Variants in GLI3 observed in about 807,000 individuals in gnomAD.
GLI3 encodes the protein transcription activator GLI3.
A neutral mutation model predicts 100.8 loss-of-function variants in GLI3; 20 were observed. The observed-to-expected ratio is 0.20, with a 90% CI of 0.14 to 0.29. GLI3 has a LOEUF of 0.29. Among genes scored for constraint, GLI3 ranks in the 10% least tolerant of loss-of-function variants. The pLI, the probability that GLI3 is intolerant of heterozygous loss-of-function variation, is 1.00. For synonymous variants in GLI3, 938 were observed against 860.5 expected (o/e 1.09, Z -1.58); for missense variants, 2,040 against 2,128.5 (o/e 0.96, Z 0.82).
In GLI3 at chr7:41,977,571, G is replaced by A; in HGVS notation, c.1799C>T (p.Thr600Met). 6.2e-7 allele frequency: 1 copy of A among 1,614,154 alleles called. No homozygotes were observed. The change falls in exon 12 of 15, where the codon ACG becomes ATG. Residue 600 changes from threonine (T) to methionine (M), a missense_variant. Around this residue, in one of 5 missense-constraint regions of GLI3, gnomAD observed 61 missense variants for 150.9 expected, o/e 0.40. Transcript: ENST00000395925. ...ASDRAKHQNR[T>M]HSNEKPYVCK... ...GAGGATGCTTACCTCATTGGAATGC[G>A]TTCTGTTTTGGTGTTTGGCGCGATC...
chr7:41,995,771 A>G (rs1788107446), intron 10 of GLI3, among the ~76,000 whole-genome samples: 2 of 152,196 alleles, frequency 1.3e-5, no homozygotes, highest in South Asian at 4.1e-4. Context: ...AAGAAAGGCA[A>G]GAAGGGAGGG....
chr7:42,238,031 C>T (rs1411548325), upstream of GLI3, among the ~76,000 whole-genome samples: 3 of 147,412 alleles, frequency 2.0e-5, no homozygotes, highest in Admixed American at 1.3e-4. Flanking sequence ...TCCTTCTCCT[C>T]CTCCTCCTCC....
At chr7:42,087,869 C>T (rs1316048693) in intron 3 of GLI3, among the ~76,000 whole-genome samples, 1 of 152,104 alleles carries the variant, frequency 6.6e-6, no homozygotes, top group Non-Finnish European at 1.5e-5. Context: ...AACTCTGAAC[C>T]CTCACTGTCT....
At chr7:42,027,941 G>C (rs1583807122) in intron 7 of GLI3, among the ~76,000 whole-genome samples, 1 of 152,204 alleles carries the variant, frequency 6.6e-6, no homozygotes, top group Non-Finnish European at 1.5e-5. Context: ...GCAAGACTTA[G>C]CTAAGGTAGC....
At chr7:42,015,861 A>G (rs1377882491) in intron 10 of GLI3, among the ~76,000 whole-genome samples, 1 of 151,990 alleles carries the variant, frequency 6.6e-6, no homozygotes, top group Non-Finnish European at 1.5e-5. Flanking sequence ...AACAGGAGAA[A>G]CTTTTTCTTT....
chr7:42,227,801 T>C (rs1788612111), intron 1 of GLI3: 1 of 152,144 alleles, frequency 6.6e-6, no homozygotes, highest in Non-Finnish European at 1.5e-5. Context: ...AGTCGTCCTC[T>C]TTAGAGTCGT....
chr7:42,038,761 A>G (rs1353751831), intron 7 of GLI3, among the ~76,000 whole-genome samples: 1 of 152,256 alleles, frequency 6.6e-6, no homozygotes, highest in Non-Finnish European at 1.5e-5. Context: ...CATTGCTGAT[A>G]ATTGAACAAG....
At chr7:42,000,738 C>G (rs1474912393) in intron 10 of GLI3, among the ~76,000 whole-genome samples, 1 of 152,080 alleles carries the variant, frequency 6.6e-6, no homozygotes, top group African/African-American at 2.4e-5. Context: ...CAGGACAAAA[C>G]CCACAGTGGA....
intron 4 of GLI3, among the ~76,000 whole-genome samples, chr7:42,067,148 C>T (rs1384724874): frequency 2.0e-5 from 3 of 152,102 alleles, no homozygotes; most frequent in East Asian, 3.9e-4. Context: ...ATATCCCTGG[C>T]AAATAACATA....
chr7:42,241,331 C>A (rs1223004657), upstream of GLI3, among the ~76,000 whole-genome samples: 1 of 152,166 alleles, frequency 6.6e-6, no homozygotes, highest in Non-Finnish European at 1.5e-5. Flanking sequence ...ATCCGATATT[C>A]CCCTTGGCCA....
At chr7:42,019,638 A>G (rs1001625389) in intron 10 of GLI3, among the ~76,000 whole-genome samples, 2 of 152,232 alleles carry the variant, frequency 1.3e-5, no homozygotes, top group African/African-American at 4.8e-5. Context: ...CACGTCTTTT[A>G]TAATATAATG....
intron 4 of GLI3, among the ~76,000 whole-genome samples, chr7:42,052,254 A>G (rs548631227): frequency 1.3e-5 from 2 of 152,338 alleles, no homozygotes; most frequent in Admixed American, 6.5e-5. Context: ...GCAATTATGA[A>G]TAAAGCTGCT....
At chr7:42,228,100 A>C (rs1788618984) in intron 1 of GLI3, among the ~76,000 whole-genome samples, 1 of 151,764 alleles carries the variant, frequency 6.6e-6, no homozygotes, top group Non-Finnish European at 1.5e-5. Flanking sequence ...CGGTGGGTTC[A>C]TTAGCGGGCG....
chr7:42,073,978 C>T (rs1784831473), intron 4 of GLI3, among the ~76,000 whole-genome samples: 1 of 152,192 alleles, frequency 6.6e-6, no homozygotes, highest in Non-Finnish European at 1.5e-5. Context: ...AACCAAGCCA[C>T]ATTTGCCTCG....
chr7:42,035,518 A>G (rs1789413007), intron 7 of GLI3, among the ~76,000 whole-genome samples: 2 of 152,218 alleles, frequency 1.3e-5, no homozygotes, highest in African/African-American at 4.8e-5. Flanking sequence ...TGGGAATGTC[A>G]TTTTCACTGA....
At chr7:41,980,607 G>A (rs1426373006) in intron 10 of GLI3, among the ~76,000 whole-genome samples, 1 of 152,048 alleles carries the variant, frequency 6.6e-6, no homozygotes, top group African/African-American at 2.4e-5. Context: ...AAGGAAGGAA[G>A]GGAGGGAGGA....
intron 4 of GLI3, among the ~76,000 whole-genome samples, chr7:42,066,846 G>C (rs1166191913): frequency 6.6e-6 from 1 of 151,992 alleles, no homozygotes; most frequent in Non-Finnish European, 1.5e-5. Context: ...AAATGACTTT[G>C]GTCATTAAAA....
chr7:42,078,461 C>CAGGGA (rs1415123248), intron 3 of GLI3, among the ~76,000 whole-genome samples: 2 of 152,094 alleles, frequency 1.3e-5, no homozygotes, highest in Non-Finnish European at 2.9e-5. Context: ...TGTGGTCTAC[C>CAGGGA]AGGGAAGGAC....
chr7:42,250,237 A>G (rs1789017670), intron 1 of GLI3, among the ~76,000 whole-genome samples: 1 of 152,206 alleles, frequency 6.6e-6, no homozygotes, highest in Admixed American at 6.5e-5. Flanking sequence ...TCTTTGTAAT[A>G]TGGACCATTT....
Sources: gnomAD v4.1 joint callset for allele counts (sites outside exome capture counted in the v4.1 genomes callset) on GRCh38, gnomAD v4.1.1 for gene constraint, gnomAD v4.1.1 regional missense constraint, MANE v1.5 for transcripts, NCBI Gene and HGNC (gene_info 2026-07-23, HGNC 2026-07-21) for gene names.